Variants in CDKL5 observed in about 807,000 individuals in gnomAD.
CDKL5 encodes cyclin dependent kinase like 5, also known as cyclin-dependent kinase-like 5.
Under a neutral mutation model 61.7 loss-of-function variants are expected in CDKL5, and 8 were observed. The observed-to-expected ratio is 0.13, with a 90% CI of 0.08 to 0.23. CDKL5 has a LOEUF of 0.23. CDKL5 is among the 10% of genes least tolerant of loss of function. The pLI, the probability that CDKL5 is intolerant of heterozygous loss-of-function variation, is 1.00. For synonymous variants in CDKL5, 275 were observed against 272.3 expected (o/e 1.01, Z -0.10); for missense variants, 440 against 734.5 (o/e 0.60, Z 4.63).
chrX:18,601,343 C>A (rs1400687528), intron 11 of CDKL5, among the ~76,000 whole-genome samples: 1 of 112,384 alleles, frequency 8.9e-6, no homozygotes, highest in African/African-American at 3.2e-5. Context: ...GCACCTTCGA[C>A]ATTTGCTTTT....
intron 3 of CDKL5, among the ~76,000 whole-genome samples, chrX:18,519,726 C>G (rs1388724512): frequency 1.8e-5 from 2 of 111,791 alleles, no homozygotes; most frequent in Non-Finnish European, 1.9e-5. Flanking sequence ...GAAAACAGTC[C>G]TCATTGAGAT....
intron 1 of CDKL5, among the ~76,000 whole-genome samples, chrX:18,434,513 T>C (rs1278097144): frequency 1.8e-5 from 2 of 112,140 alleles, no homozygotes; most frequent in Non-Finnish European, 3.8e-5. Context: ...TTGATTTTGA[T>C]AGTAAGAACA....
chrX:18,620,593 C>G (rs1164478355), intron 16 of CDKL5, among the ~76,000 whole-genome samples: 1 of 111,327 alleles, frequency 9.0e-6, no homozygotes, highest in Non-Finnish European at 1.9e-5. Context: ...ACTGAACCAC[C>G]CAAGCAAGGA....
chrX:18,589,091 T>C (rs1273255577), intron 9 of CDKL5: 1 of 110,069 alleles, frequency 9.1e-6, no homozygotes, highest in Non-Finnish European at 1.9e-5. Flanking sequence ...CAGTGAGTTA[T>C]AGGCTACTTC....
At chrX:18,484,158 A>C (rs750802191) in intron 1 of CDKL5, among the ~76,000 whole-genome samples, 4 of 112,259 alleles carry the variant, frequency 3.6e-5, no homozygotes, top group Non-Finnish European at 7.5e-5. Context: ...CCTGAAAACA[A>C]AGATGGTGGT....
chrX:18,634,322 A>G lies in CDKL5; in HGVS notation c.*5565A>G. 1.3e-6 allele frequency: 1 copy of G among 753,830 alleles called. No homozygotes were observed. The highest frequency in any genetic ancestry group is 1.6e-6 in the Non-Finnish European group (1 of 639,040). The allele number at this position is 753,830 out of a possible 1,213,427, so 62.1% of individuals were successfully genotyped here. ...GTCTGATCTGATTTCTTTCAGGGGT[A>G]GACAAGCTTGTCCTAGTGCTCTGCT... On this transcript the variant is annotated 3_prime_UTR_variant, in exon 18 of 18. Coordinates refer to ENST00000623535, the MANE Select transcript of CDKL5 (RefSeq NM_001323289.2).
At chrX:18,463,646 C>T (rs900967851) in intron 1 of CDKL5, among the ~76,000 whole-genome samples, 2 of 111,985 alleles carry the variant, frequency 1.8e-5, no homozygotes, top group Non-Finnish European at 3.8e-5. Context: ...TATCCATGGT[C>T]ATAAAAACAT....
chrX:18,641,735 C>G (rs1927581270), downstream of CDKL5: 1 of 371,544 alleles, frequency 2.7e-6, no homozygotes, highest in African/African-American at 2.5e-5. Flanking sequence ...GAAAATTACC[C>G]CTGCTACTTA....
chrX:18,471,142 A>C (rs1921079435), intron 1 of CDKL5, among the ~76,000 whole-genome samples: 1 of 110,940 alleles, frequency 9.0e-6, no homozygotes, highest in African/African-American at 3.3e-5. Flanking sequence ...TGAGCATCTC[A>C]AGTCTTTTTT....
chrX:18,461,537 C>T lies in CDKL5; in HGVS notation c.-163+35842C>T, dbSNP rs779176754. Among the ~76,000 whole-genome samples, 8 of 112,210 alleles carry T rather than the reference C, an allele frequency of 7.1e-5. No homozygotes were observed. In the East Asian group the frequency reaches 1.7e-3, roughly 24 times the overall value. On this transcript the variant is annotated intron_variant, in intron 1 of 17. Coordinates refer to ENST00000623535, the MANE Select transcript of CDKL5 (RefSeq NM_001323289.2). Reference sequence around the variant, plus strand: ...AATCTTGATTTACTTTCAAGACACACGGTCTTTGAAGAAACTTGTTCATGC... The same window carrying T: ...AATCTTGATTTACTTTCAAGACACATGGTCTTTGAAGAAACTTGTTCATGC...
intron 1 of CDKL5, among the ~76,000 whole-genome samples, chrX:18,453,032 A>G (rs1932059181): frequency 9.2e-6 from 1 of 109,062 alleles, no homozygotes; most frequent in Admixed American, 9.9e-5. Flanking sequence ...GGGTTTTACC[A>G]TGTTGGCCAG....
chrX:18,597,876 G>A (rs1363751843), intron 10 of CDKL5, among the ~76,000 whole-genome samples: 9 of 111,144 alleles, frequency 8.1e-5, no homozygotes, highest in Admixed American at 5.8e-4. Context: ...GATTACAGGC[G>A]TGAGCCACCA....
At chrX:18,477,192 G>A (rs767032409) in intron 1 of CDKL5, among the ~76,000 whole-genome samples, 228 of 111,805 alleles carry the variant, frequency 2.0e-3, no homozygotes, top group Non-Finnish European at 3.7e-3. Context: ...TCAGCCTCCC[G>A]AGTAGCTGAG....
chrX:18,575,312 A>C (rs748229123), intron 4 of CDKL5, 42 bp from the exon 5 acceptor site: 2 of 1,179,881 alleles, frequency 1.7e-6, no homozygotes, highest in South Asian at 3.6e-5. Context: ...TAGTAGCTTG[A>C]AAGTTTTCAT....
intron 16 of CDKL5, among the ~76,000 whole-genome samples, chrX:18,623,482 G>A (rs921315356): frequency 2.7e-5 from 3 of 111,624 alleles, no homozygotes; most frequent in Admixed American, 9.5e-5. Flanking sequence ...TTTACTTGCT[G>A]AAGTCCTCTC....
At chrX:18,560,224 G>A (rs965529991) in intron 3 of CDKL5, among the ~76,000 whole-genome samples, 25 of 111,670 alleles carry the variant, frequency 2.2e-4, no homozygotes, top group African/African-American at 8.1e-4. Context: ...TTCCACAATG[G>A]TTGAACTAGT....
chrX:18,435,825 C>T (rs1346804607), intron 1 of CDKL5, among the ~76,000 whole-genome samples: 5 of 111,166 alleles, frequency 4.5e-5, no homozygotes, highest in Non-Finnish European at 9.4e-5. Context: ...CCTTGGCCTC[C>T]CAAAGTGCCA....
chrX:18,579,134 A>G (rs752289577), intron 5 of CDKL5, among the ~76,000 whole-genome samples: 4 of 111,905 alleles, frequency 3.6e-5, no homozygotes, highest in Non-Finnish European at 7.5e-5. Flanking sequence ...CTTACAAACA[A>G]TAAGCTGTGA....
intron 20 of CDKL5, among the ~76,000 whole-genome samples, chrX:18,649,475 T>G (rs1927938147): frequency 8.9e-6 from 1 of 111,956 alleles, no homozygotes; most frequent in Non-Finnish European, 1.9e-5. Context: ...GGCCATGCCC[T>G]GTCCCCAGAG....
Sources: gnomAD v4.1 joint callset for allele counts (sites outside exome capture counted in the v4.1 genomes callset) on GRCh38, gnomAD v4.1.1 for gene constraint, MANE v1.5 for transcripts, NCBI Gene and HGNC (gene_info 2026-07-23, HGNC 2026-07-21) for gene names.